ATG7: variants seen among roughly 807,000 people sequenced by gnomAD.
ATG7 encodes ubiquitin-like modifier-activating enzyme ATG7.
In ATG7, 70 loss-of-function variants were observed where a neutral mutation model predicts 82.4. The observed-to-expected ratio is 0.85, with a 90% CI of 0.70 to 1.04. The LOEUF is 1.04. Ranked by LOEUF, ATG7 falls within the 50% of genes least tolerant of loss-of-function variation. ATG7 has a pLI of 0.00. For missense variants in ATG7, 792 were observed against 864.3 expected (o/e 0.92, Z 1.05); for synonymous variants, 287 against 313.0 (o/e 0.92, Z 0.88).
intron 20 of ATG7, among the ~76,000 whole-genome samples, chr3:11,458,388 T>C (rs982035109): frequency 1.3e-5 from 2 of 152,122 alleles, no homozygotes; most frequent in African/African-American, 2.4e-5. Context: ...CTCAGCCTCC[T>C]GAGTAGCTGG....
intron 20 of ATG7, among the ~76,000 whole-genome samples, chr3:11,435,306 A>G (rs2083272387): frequency 1.3e-5 from 2 of 152,170 alleles, no homozygotes; most frequent in South Asian, 4.1e-4. Context: ...TAAATCTAAA[A>G]TGGTGTAATT....
intron 20 of ATG7, among the ~76,000 whole-genome samples, chr3:11,458,873 G>T (rs1208687156): frequency 6.6e-6 from 1 of 152,162 alleles, no homozygotes; most frequent in Non-Finnish European, 1.5e-5. Context: ...TAACGCCTGT[G>T]CTCTGCCTCC....
In ATG7 at chr3:11,497,158, T is replaced by C. The variant is rs186351624; in HGVS notation, c.2080-57653T>C. Among the ~76,000 whole-genome samples the C allele has an allele frequency of 2.9e-3, 444 of 151,720 alleles. 2 individuals carry two copies. The Middle Eastern group carries it at 0.038, about 13-fold the overall frequency. On this transcript the variant is annotated intron_variant, in intron 20 of 20. Transcript: ENST00000693202. ...GAGCCCCCACGCCCAGCCCCTAATG[T>C]CATTTCTGATGAAACCTTTATTGTA... is the stretch of plus-strand genomic sequence containing the variant.
chr3:11,544,805 T>C (rs2071133156), intron 20 of ATG7, among the ~76,000 whole-genome samples: 1 of 152,218 alleles, frequency 6.6e-6, no homozygotes, highest in Non-Finnish European at 1.5e-5. Flanking sequence ...TTCTGAATCA[T>C]TGTTCCTGCA....
intron 7 of ATG7, among the ~76,000 whole-genome samples, chr3:11,312,893 C>G (rs577968062): frequency 2.6e-5 from 4 of 152,164 alleles, no homozygotes; most frequent in African/African-American, 9.6e-5. Context: ...CTTCTCTGCC[C>G]CTTGCCATCT....
intron 10 of ATG7, among the ~76,000 whole-genome samples, chr3:11,331,945 T>C (rs540755823): frequency 6.6e-6 from 1 of 152,360 alleles, no homozygotes; most frequent in African/African-American, 2.4e-5. Flanking sequence ...TTGTCGAAGA[T>C]GTGGAGCAAA....
At chr3:11,295,312 C>G (rs974827106) in intron 3 of ATG7, among the ~76,000 whole-genome samples, 1 of 152,164 alleles carries the variant, frequency 6.6e-6, no homozygotes, top group East Asian at 1.9e-4. Flanking sequence ...CTCATTCCTT[C>G]TGTTTGCTTT....
chr3:11,462,837 A>AT (rs2086453101), intron 20 of ATG7, among the ~76,000 whole-genome samples: 1 of 144,564 alleles, frequency 6.9e-6, no homozygotes, highest in African/African-American at 2.6e-5. Flanking sequence ...CTCCTCTCAG[A>AT]TATTTTTATT....
chr3:11,553,060 G>GGA (rs2071973642), intron 20 of ATG7, among the ~76,000 whole-genome samples: 1 of 152,192 alleles, frequency 6.6e-6, no homozygotes, highest in Non-Finnish European at 1.5e-5. Flanking sequence ...AGCCCTCCAA[G>GGA]GAGGCTGGGC....
At chr3:11,446,451 G>A (rs1260534477) in intron 20 of ATG7, 2 of 413,566 alleles carry the variant, frequency 4.8e-6, no homozygotes, top group South Asian at 1.8e-5. Context: ...AATTTAGTCC[G>A]TAGGGGAAAC....
chr3:11,572,565 C>T, the ATG7 span, among the ~76,000 whole-genome samples: 1 of 152,176 alleles, frequency 6.6e-6, no homozygotes, highest in African/African-American at 2.4e-5. Flanking sequence ...CTGGGGCATC[C>T]TCTGTTTTGT....
At chr3:11,409,860 G>T (rs1370438030) in intron 19 of ATG7, among the ~76,000 whole-genome samples, 1 of 150,166 alleles carries the variant, frequency 6.7e-6, no homozygotes, top group East Asian at 2.0e-4. Context: ...TGTTGCCTTT[G>T]CCCCATTGTC....
chr3:11,355,702 C>T (rs932559040), intron 14 of ATG7, among the ~76,000 whole-genome samples: 3 of 152,130 alleles, frequency 2.0e-5, no homozygotes, highest in African/African-American at 7.2e-5. Flanking sequence ...GATTAAGAAG[C>T]CTGACAATGC....
At chr3:11,383,139 T>C (rs1211157264) in intron 19 of ATG7, among the ~76,000 whole-genome samples, 1 of 152,258 alleles carries the variant, frequency 6.6e-6, no homozygotes, top group Admixed American at 6.5e-5. Flanking sequence ...TGTTGTTGTT[T>C]ATACCAGTTA....
At chr3:11,415,527 C>T (rs561744624) in intron 19 of ATG7, among the ~76,000 whole-genome samples, 1 of 152,106 alleles carries the variant, frequency 6.6e-6, no homozygotes, top group Non-Finnish European at 1.5e-5. Context: ...TCTTTATACC[C>T]TTATCCTATA....
chr3:11,299,228 G>A (rs1946413964), intron 4 of ATG7, 134 bp from the exon 5 acceptor site: 1 of 795,608 alleles, frequency 1.3e-6, no homozygotes, highest in Non-Finnish European at 2.1e-6. Context: ...TATTATCTAT[G>A]TAGCATAGAT....
chr3:11,314,315 T>G (rs1949085043), intron 8 of ATG7, among the ~76,000 whole-genome samples: 1 of 152,222 alleles, frequency 6.6e-6, no homozygotes, highest in African/African-American at 2.4e-5. Flanking sequence ...ATTTGAATTC[T>G]TGAAACACAT....
At chr3:11,509,332 A>G (rs1475293742) in intron 20 of ATG7, among the ~76,000 whole-genome samples, 2 of 151,968 alleles carry the variant, frequency 1.3e-5, no homozygotes, top group African/African-American at 4.8e-5. Flanking sequence ...GCCCTCATGC[A>G]TGCACATTTG....
intron 19 of ATG7, among the ~76,000 whole-genome samples, chr3:11,389,335 ATT>A (rs2078589201): frequency 6.7e-6 from 1 of 148,762 alleles, no homozygotes; most frequent in Non-Finnish European, 1.5e-5. Flanking sequence ...GTTATACTGT[ATT>A]TATGATAGTG....
Sources: allele counts gnomAD v4.1 joint callset (sites outside exome capture counted in the v4.1 genomes callset), GRCh38; gene constraint gnomAD v4.1.1; transcripts MANE v1.5; gene names NCBI Gene and HGNC (gene_info 2026-07-23, HGNC 2026-07-21).